Variants in PLEKHG5 observed in about 807,000 individuals in gnomAD.
PLEKHG5 encodes pleckstrin homology and RhoGEF domain containing G5.
Under a neutral mutation model 103.8 loss-of-function variants are expected in PLEKHG5, and 52 were observed. That is an observed-to-expected ratio of 0.50 (90% CI 0.40 to 0.63). The LOEUF (loss-of-function observed/expected upper bound fraction) is 0.63, where lower values mean the gene tolerates loss of function less well. Among genes scored for constraint, PLEKHG5 ranks in the 30% least tolerant of loss-of-function variants. The pLI, the probability that PLEKHG5 is intolerant of heterozygous loss-of-function variation, is 0.00. For synonymous variants in PLEKHG5, 592 were observed against 575.5 expected (o/e 1.03, Z -0.41); for missense variants, 1,205 against 1,347.6 (o/e 0.89, Z 1.66).
intron 6 of PLEKHG5, 104 bp from the exon 7 acceptor site, chr1:6,474,268 TC>T: frequency 6.3e-6 from 9 of 1,427,776 alleles, no homozygotes; most frequent in South Asian, 1.2e-5. Flanking sequence ...CTGCCTGCCC[TC>T]CCCCGACAGC....
At chr1:6,497,431 CG>C, upstream of PLEKHG5, 1 of 772,950 alleles carries the variant, frequency 1.3e-6, no homozygotes, top group Non-Finnish European at 1.6e-6. The surrounding 1 kb of genome is among the most constrained non-coding windows in gnomAD (Gnocchi z 6.1). Context: ...GCACGGGAGG[CG>C]GGCGGGGCAG....
Position 6,473,990 on chromosome 1 carries a change from CTGA to C in PLEKHG5, c.591+20_591+22del. 5 of 1,551,422 alleles carry C rather than the reference CTGA, an allele frequency of 3.2e-6. No individual in the cohort carries two copies. The highest frequency in any genetic ancestry group is 4.4e-6 in the Non-Finnish European group (5 of 1,140,116). On this transcript the variant is annotated intron_variant, in intron 7 of 20. Coordinates refer to ENST00000377728, the MANE Select transcript of PLEKHG5 (RefSeq NM_020631.6). ...CCTGGGCCCCTTCCCACCCCCTCCCCTGACACACCCCCTCCTCCTCACCAAGAT... is the reference window on the plus strand; with the variant it reads ...CCTGGGCCCCTTCCCACCCCCTCCCCCACACCCCCTCCTCCTCACCAAGAT...
intron 1 of PLEKHG5, among the ~76,000 whole-genome samples, chr1:6,516,802 ATATATGTGTGTATATATATGTG>A (rs1221431896): frequency 2.1e-4 from 31 of 146,604 alleles, no homozygotes; most frequent in Admixed American, 2.1e-4. Context: ...ATATGTGTAT[ATATATGTGTGTATATATATGTG>A]TATATATGTG....
chr1:6,467,759 A>T (rs1471956558), intron 20 of PLEKHG5, 66 bp downstream of exon 20: 10 of 1,560,852 alleles, frequency 6.4e-6, no homozygotes, highest in South Asian at 1.1e-5. Context: ...CGATGCTCCC[A>T]GGCATGAGTG....
chr1:6,469,580 C>A lies in PLEKHG5; in HGVS notation c.1897G>T (p.Val633Leu). The A allele has an allele frequency of 6.2e-7, 1 of 1,613,864 alleles. No individual in the cohort carries two copies. The highest frequency in any genetic ancestry group is 8.5e-7 in the Non-Finnish European group (1 of 1,180,038). The change falls in exon 17 of 21, where the codon GTG becomes TTG. Residue 633 changes from valine (V) to leucine (L), a missense_variant. Transcript: ENST00000377728. ...RTRVIRPPLLVDKIVCRELRD... is the reference protein window; with the variant it reads ...RTRVIRPPLLLDKIVCRELRD... ...AGCTCCCGGCACACAATCTTGTCCA[C>A]GAGCAGGGGTGGCCTGATGACCCTG...
chr1:6,485,189 G>A (rs1384536984), intron 1 of PLEKHG5: 2 of 571,134 alleles, frequency 3.5e-6, no homozygotes, highest in Non-Finnish European at 5.3e-6. Flanking sequence ...GGCCGCCATG[G>A]GCCGCATCCT....
chr1:6,512,159 G>C (rs1638490936), intron 1 of PLEKHG5, among the ~76,000 whole-genome samples: 1 of 152,190 alleles, frequency 6.6e-6, no homozygotes, highest in African/African-American at 2.4e-5. Flanking sequence ...CTGGAGACCT[G>C]CCCATGTCGC....
intron 1 of PLEKHG5, among the ~76,000 whole-genome samples, chr1:6,488,434 C>T (rs1645080211): frequency 6.6e-6 from 1 of 152,208 alleles, no homozygotes; most frequent in Admixed American, 6.5e-5. Flanking sequence ...GAAGACACGG[C>T]AGATCCCAAA....
In PLEKHG5 at chr1:6,505,167, A is replaced by T. The variant is rs1638277075; in HGVS notation, c.-164-8598T>A. On this transcript the variant is annotated intron_variant, in intron 1 of 21. Coordinates refer to the PLEKHG5 transcript ENST00000377740. The surrounding 1 kb of genome is among the most constrained non-coding windows in gnomAD (Gnocchi z 4.2). Reference sequence around the variant, plus strand: ...GGGAGCTGGAGATCAGCGCTCCGGTAGCTTCTGCGGACCGGACTCAAGTTT... The same window carrying T: ...GGGAGCTGGAGATCAGCGCTCCGGTTGCTTCTGCGGACCGGACTCAAGTTT... Among the ~76,000 whole-genome samples the T allele has an allele frequency of 6.6e-6, 1 of 152,112 alleles. No homozygotes were observed. The highest frequency in any genetic ancestry group is 6.5e-5 in the Admixed American group (1 of 15,280).
At chr1:6,500,745 C>T (rs1188284699), upstream of PLEKHG5, among the ~76,000 whole-genome samples, 1 of 152,162 alleles carries the variant, frequency 6.6e-6, no homozygotes, top group Non-Finnish European at 1.5e-5. Context: ...CTAGGCGGAC[C>T]TGGAACCCTG....
In PLEKHG5 at chr1:6,512,420, C is replaced by T. The variant is rs551741891; in HGVS notation, c.-165+7025G>A. ...GGCCTGGACAAACCTCCCTGACCTT[C>T]GAGCCCACTGGCATGGGCCCCTCCC... On this transcript the variant is annotated intron_variant, in intron 1 of 21. Transcript: ENST00000377740. 5.3e-5 allele frequency among the ~76,000 whole-genome samples: 8 copies of T among 152,332 alleles called. No individual in the cohort carries two copies. The East Asian group carries it at 1.2e-3, about 22-fold the overall frequency.
At position 6,513,339 on chromosome 1, in the gene PLEKHG5, C is replaced by A. The variant is rs1371752655; in HGVS notation, c.-165+6106G>T. Among the ~76,000 whole-genome samples, 8 of 152,386 alleles carry A rather than the reference C, an allele frequency of 5.2e-5. No individual in the cohort carries two copies. In the East Asian group the frequency reaches 1.5e-3, roughly 29 times the overall value. ...CCCTGTGTGTCAAGGTGGCAGGGCT[C>A]CCTGGCATCCAAGTAGGACCATGCC... On this transcript the variant is annotated intron_variant, in intron 1 of 21. Transcript: ENST00000377740.
intron 1 of PLEKHG5, among the ~76,000 whole-genome samples, chr1:6,482,054 T>A (rs960357514): frequency 2.6e-5 from 4 of 151,892 alleles, no homozygotes; most frequent in Admixed American, 2.6e-4. Flanking sequence ...AGCTCCCACC[T>A]CTGAGCTGTG....
chr1:6,474,125 C>T lies in PLEKHG5; in HGVS notation c.479G>A (p.Gly160Asp), dbSNP rs758423963. 1 of 1,613,538 alleles carries T rather than the reference C, an allele frequency of 6.2e-7. No homozygotes were observed. The highest frequency in any genetic ancestry group is 1.7e-5 in the Admixed American group (1 of 60,008). The change falls in exon 7 of 21, where the codon GGC becomes GAC. Residue 160 changes from glycine (G) to aspartate (D), a missense_variant. Gly to Asp is a moderately conservative substitution (Grantham distance 94, BLOSUM62 -1). Transcript: ENST00000377728. ...ACTCAGGGACTTGGAGTCCTTCATG[C>T]CCTGCTCCACCTTGCCCTCATCTCC... is the stretch of plus-strand genomic sequence containing the variant. Reference protein sequence around the residue: ...KPGDEGKVEQGMKDSKSLSLP... With the variant: ...KPGDEGKVEQDMKDSKSLSLP...
chr1:6,504,086 G>A (rs1638229805), intron 1 of PLEKHG5, among the ~76,000 whole-genome samples: 1 of 152,194 alleles, frequency 6.6e-6, no homozygotes, highest in Non-Finnish European at 1.5e-5. Flanking sequence ...CTTGGGGCTG[G>A]GTGGCTAAAC....
At position 6,487,662 on chromosome 1, in the gene PLEKHG5, T is replaced by G. The variant is rs1453631155; in HGVS notation, c.-88+3975A>C. On this transcript the variant is annotated intron_variant, in intron 1 of 20. Coordinates refer to ENST00000377728, the MANE Select transcript of PLEKHG5 (RefSeq NM_020631.6). The surrounding 1 kb of genome is among the most constrained non-coding windows in gnomAD (Gnocchi z 4.1). ...AAATGTTACCTCTAAGACGTCCTTT[T>G]CCCTCATCTTAAAATAAACCACCCT... is the stretch of plus-strand genomic sequence containing the variant. Among the ~76,000 whole-genome samples, 1 of 152,188 alleles carries G rather than the reference T, an allele frequency of 6.6e-6. No individual in the cohort carries two copies. Among genetic ancestry groups the G allele is most frequent in the Non-Finnish European group, 1.5e-5 (1 of 68,034 alleles).
intron 10 of PLEKHG5, 147 bp from the exon 11 acceptor site, chr1:6,471,955 T>C: frequency 2.5e-6 from 2 of 808,896 alleles, no homozygotes; most frequent in Non-Finnish European, 4.2e-6. Context: ...CTGTACCCTT[T>C]GGCCTTCGCA....
chr1:6,474,736 C>A, intron 5 of PLEKHG5, 149 bp from the exon 6 acceptor site: 1 of 792,650 alleles, frequency 1.3e-6, no homozygotes, highest in Non-Finnish European at 2.1e-6. Context: ...GGATCACACG[C>A]AGGTCCACAG....
intron 1 of PLEKHG5, among the ~76,000 whole-genome samples, chr1:6,488,722 G>A (rs1243891064): frequency 6.6e-6 from 1 of 152,140 alleles, no homozygotes; most frequent in East Asian, 1.9e-4. Context: ...GCAGGGAGCT[G>A]AAACAGCTCA....
Sources: allele counts gnomAD v4.1 joint callset (sites outside exome capture counted in the v4.1 genomes callset), GRCh38; gene constraint gnomAD v4.1.1; non-coding constraint Gnocchi (gnomAD v3.1); transcripts MANE v1.5; gene names NCBI Gene and HGNC (gene_info 2026-07-23, HGNC 2026-07-21).